BCAR3: variants seen among roughly 807,000 people sequenced by gnomAD.
BCAR3 encodes breast cancer anti-estrogen resistance protein 3.
Under a neutral mutation model 80.1 loss-of-function variants are expected in BCAR3, and 37 were observed. The observed-to-expected ratio is 0.46, with a 90% CI of 0.36 to 0.61. The LOEUF (loss-of-function observed/expected upper bound fraction) is 0.61, where lower values mean the gene tolerates loss of function less well. BCAR3 is among the 20% of genes least tolerant of loss of function. The pLI is 0.00. For missense variants in BCAR3, 978 were observed against 1,068.2 expected (o/e 0.92, Z 1.18); for synonymous variants, 389 against 418.9 (o/e 0.93, Z 0.87).
At chr1:93,782,104 G>A (rs1026713814) in intron 2 of BCAR3, among the ~76,000 whole-genome samples, 6 of 152,180 alleles carry the variant, frequency 3.9e-5, no homozygotes, top group African/African-American at 4.8e-5. Flanking sequence ...GGACAGAACC[G>A]GAATGGAGGG....
chr1:93,777,451 TCC>T (rs1652608320), intron 2 of BCAR3, among the ~76,000 whole-genome samples: 6 of 146,792 alleles, frequency 4.1e-5, no homozygotes, highest in African/African-American at 7.8e-5. Context: ...TTCCTCCTCC[TCC>T]TCTTCCTCCT....
At chr1:93,838,082 G>A (rs1377564654) in intron 2 of BCAR3, among the ~76,000 whole-genome samples, 2 of 152,188 alleles carry the variant, frequency 1.3e-5, no homozygotes, top group African/African-American at 4.8e-5. Context: ...ATGGGGGAAG[G>A]GATGGCCCCT....
chr1:93,774,281 C>T (rs1016185942), intron 2 of BCAR3, among the ~76,000 whole-genome samples: 3 of 151,922 alleles, frequency 2.0e-5, no homozygotes, highest in African/African-American at 7.3e-5. Context: ...GTCAGGAGAT[C>T]GAGACCATCC....
At chr1:93,788,069 CTTCT>C (rs1653014793) in intron 2 of BCAR3, among the ~76,000 whole-genome samples, 1 of 152,006 alleles carries the variant, frequency 6.6e-6, no homozygotes, top group South Asian at 2.1e-4. Flanking sequence ...ATATAATGTC[CTTCT>C]TTGTCTTTTT....
chr1:93,623,569 C>T (rs1320421859), intron 3 of BCAR3, among the ~76,000 whole-genome samples: 1 of 152,176 alleles, frequency 6.6e-6, no homozygotes, highest in Non-Finnish European at 1.5e-5. Flanking sequence ...GCCCTCACTG[C>T]ATAAAGAAGC....
intron 2 of BCAR3, among the ~76,000 whole-genome samples, chr1:93,658,412 A>G (rs749106182): frequency 2.0e-5 from 3 of 152,142 alleles, no homozygotes; most frequent in Non-Finnish European, 4.4e-5. Context: ...CAAAGAATCT[A>G]TGCAGAGCTA....
At chr1:93,620,387 G>GT (rs1309623744) in intron 3 of BCAR3, among the ~76,000 whole-genome samples, 1 of 152,214 alleles carries the variant, frequency 6.6e-6, no homozygotes, top group African/African-American at 2.4e-5. Flanking sequence ...GTTAGGAGTT[G>GT]TTTAACAGGC....
intron 3 of BCAR3, 26 bp downstream of exon 3, chr1:93,642,278 C>G (rs746152107): frequency 3.1e-6 from 5 of 1,610,900 alleles, no homozygotes; most frequent in Non-Finnish European, 4.2e-6. Flanking sequence ...AGGGTCACGG[C>G]TACATGTTTA....
At chr1:93,758,515 C>G (rs1651823557) in intron 2 of BCAR3, among the ~76,000 whole-genome samples, 1 of 152,158 alleles carries the variant, frequency 6.6e-6, no homozygotes, top group African/African-American at 2.4e-5. Context: ...TAATCGGGAG[C>G]CAGTTCTATG....
intron 2 of BCAR3, among the ~76,000 whole-genome samples, chr1:93,839,929 G>GGT (rs1218233969): frequency 2.0e-5 from 3 of 152,168 alleles, no homozygotes; most frequent in Non-Finnish European, 4.4e-5. Context: ...GGCCTAGGGT[G>GGT]GGGCCGAGAG....
At chr1:93,689,176 CAGAGAAGGG>C (rs1649080630) in intron 3 of BCAR3, among the ~76,000 whole-genome samples, 1 of 151,854 alleles carries the variant, frequency 6.6e-6, no homozygotes, top group African/African-American at 2.4e-5. Flanking sequence ...TGTGGGAACG[CAGAGAAGGG>C]AGAGATTAAA....
intron 2 of BCAR3, among the ~76,000 whole-genome samples, chr1:93,663,563 T>C (rs1344315434): frequency 6.6e-6 from 1 of 152,188 alleles, no homozygotes; most frequent in Non-Finnish European, 1.5e-5. Flanking sequence ...CAAAGGGCTA[T>C]ACCGTGGATG....
At chr1:93,719,629 A>G (rs1053076286) in intron 2 of BCAR3, among the ~76,000 whole-genome samples, 1 of 151,968 alleles carries the variant, frequency 6.6e-6, no homozygotes, top group South Asian at 2.1e-4. Context: ...GGTGTCAGCC[A>G]CCCTGCCCAG....
intron 3 of BCAR3, among the ~76,000 whole-genome samples, chr1:93,624,336 A>C (rs981787857): frequency 5.9e-5 from 9 of 152,250 alleles, no homozygotes; most frequent in Non-Finnish European, 1.2e-4. Flanking sequence ...GGCAACCCTC[A>C]TGACTTCTTT....
intron 3 of BCAR3, among the ~76,000 whole-genome samples, chr1:93,624,389 T>C (rs35126293): frequency 0.14 from 20,885 of 152,220 alleles, 1,537 homozygotes; most frequent in African/African-American, 0.18. Context: ...CCAAATCACA[T>C]TCAAATCTTC....
chr1:93,643,594 A>T (rs1247042657), intron 2 of BCAR3, among the ~76,000 whole-genome samples: 17 of 150,908 alleles, frequency 1.1e-4, no homozygotes, highest in Middle Eastern at 3.4e-3. Context: ...TTAAAAATAC[A>T]GAGAGAGAAT....
intron 7 of BCAR3, among the ~76,000 whole-genome samples, chr1:93,581,823 T>C (rs1051741811): frequency 6.6e-5 from 10 of 152,268 alleles, no homozygotes; most frequent in Admixed American, 6.5e-5. Context: ...ATAAGTATAA[T>C]GTAATAAAAA....
intron 3 of BCAR3, among the ~76,000 whole-genome samples, chr1:93,601,282 T>G (rs956407703): frequency 6.6e-6 from 1 of 152,336 alleles, no homozygotes; most frequent in East Asian, 1.9e-4. Context: ...TCAGAGGTTT[T>G]AGAGATATCT....
chr1:93,842,398 C>A (rs1315094856), intron 2 of BCAR3, among the ~76,000 whole-genome samples: 1 of 152,058 alleles, frequency 6.6e-6, no homozygotes, highest in African/African-American at 2.4e-5. Flanking sequence ...GCAATCCACC[C>A]GCCTCAGCCT....
Sources: allele counts gnomAD v4.1 joint callset (sites outside exome capture counted in the v4.1 genomes callset), GRCh38; gene constraint gnomAD v4.1.1; transcripts MANE v1.5; gene names NCBI Gene and HGNC (gene_info 2026-07-23, HGNC 2026-07-21).